The following PLEC variants were observed in gnomAD, a reference collection of about 807,000 sequenced individuals.
PLEC encodes plectin.
PLEC carries 216 observed loss-of-function variants against 392.8 expected under a neutral mutation model. That is an observed-to-expected ratio of 0.55 (90% CI 0.49 to 0.62). PLEC has a LOEUF of 0.62. Among genes scored for constraint, PLEC ranks in the 20% least tolerant of loss-of-function variants. PLEC has a pLI of 0.00. For synonymous variants in PLEC, 3,621 were observed against 2,980.6 expected (o/e 1.21, Z -7.00); for missense variants, 6,863 against 6,563.4 (o/e 1.05, Z -1.58).
Position 143,922,778 on chromosome 8 carries a change from C to T in PLEC, c.7151G>A (p.Arg2384His), listed in dbSNP as rs201594706. Residue 2384 changes from arginine to histidine, a missense_variant, in exon 31 of 32, where the codon CGC becomes CAC. Arg to His is a conservative substitution (Grantham distance 29, BLOSUM62 0). Transcript: ENST00000345136. ...CATCTCGGCCACACGCAGCTTGAGG[C>T]GCTCAGCCTCAGCGCTCATCTCCAG... ...RQLEMSAEAERLKLRVAEMSR... is the reference protein window; with the variant it reads ...RQLEMSAEAEHLKLRVAEMSR... 3.1e-5 allele frequency: 49 copies of T among 1,603,192 alleles called. No individual in the cohort carries two copies. Among genetic ancestry groups the T allele is most frequent in the Admixed American group, 1.5e-4 (9 of 59,438 alleles).
At position 143,918,588 on chromosome 8, in the gene PLEC, C is replaced by G. The variant is rs1554675719; in HGVS notation, c.11233G>C (p.Asp3745His). 2 of 1,612,424 alleles carry G rather than the reference C, an allele frequency of 1.2e-6. No individual in the cohort carries two copies. The highest frequency in any genetic ancestry group is 1.7e-6 in the Non-Finnish European group (2 of 1,179,922). The change falls in exon 32 of 32, where the codon GAT becomes CAT. Residue 3745 changes from aspartate (D) to histidine (H), a missense_variant. By Grantham distance (81) the Asp-to-His change is moderately conservative. Coordinates refer to ENST00000345136, the MANE Select transcript of PLEC (RefSeq NM_201384.3). ...ACGAGGCCCTTCCGCACAGCCTCATCCACAGTCAGCCGCTCCCCCTTCACC... is the reference window on the plus strand; with the variant it reads ...ACGAGGCCCTTCCGCACAGCCTCATGCACAGTCAGCCGCTCCCCCTTCACC... Reference protein sequence around the residue: ...DPVKGERLTVDEAVRKGLVGP... With the variant: ...DPVKGERLTVHEAVRKGLVGP...
In PLEC at chr8:143,924,050, C is replaced by A. The variant is rs367679924; in HGVS notation, c.5879G>T (p.Arg1960Leu). 4 of 1,596,312 alleles carry A rather than the reference C, an allele frequency of 2.5e-6. No individual in the cohort carries two copies. The South Asian group carries it at 4.4e-5, about 18-fold the overall frequency. Residue 1960 changes from arginine to leucine, a missense_variant, in exon 31 of 32, where the codon CGC (arginine) becomes CTC (leucine). Coordinates refer to ENST00000345136, the MANE Select transcript of PLEC (RefSeq NM_201384.3). ...RIRSNAEDTLRSKEQAELEAA... is the reference protein window; with the variant it reads ...RIRSNAEDTLLSKEQAELEAA... ...CTCCAGCTCGGCCTGCTCCTTGCTG[C>A]GCAGCGTGTCCTCCGCGTTGCTGCG...
intron 5 of PLEC, among the ~76,000 whole-genome samples, chr8:143,936,653 C>T (rs1038962742): frequency 6.6e-6 from 1 of 152,238 alleles, no homozygotes; most frequent in Admixed American, 6.5e-5. Flanking sequence ...GGACAAGCAG[C>T]GGGTGAGTCA....
chr8:143,934,562 G>GTCGGC, intron 10 of PLEC, 73 bp downstream of exon 10: 7 of 1,600,290 alleles, frequency 4.4e-6, no homozygotes, highest in Non-Finnish European at 5.1e-6. Flanking sequence ...GCAGGGCCAG[G>GTCGGC]TCGGCTCCGG....
Position 143,925,867 on chromosome 8 carries a change from C to G in PLEC, c.4062G>C (p.Gln1354His), listed in dbSNP as rs782342470. ...MEEEERLAEQ[Q>H]RAEERERLAE... ...CCAGCCGCTCGCGCTCCTCTGCCCG[C>G]TGCTGCTCAGCCAGCCTCTGTGGCC... The change falls in exon 31 of 32, where the codon CAG (glutamine) becomes CAC (histidine). Residue 1354 changes from glutamine (Q) to histidine (H), a missense_variant. Coordinates refer to ENST00000345136, the MANE Select transcript of PLEC (RefSeq NM_201384.3). 5 of 1,547,244 alleles carry G rather than the reference C, an allele frequency of 3.2e-6. No individual in the cohort carries two copies. In the East Asian group the frequency reaches 1.2e-4, roughly 37 times the overall value.
At position 143,918,819 on chromosome 8, in the gene PLEC, C is replaced by G; in HGVS notation, c.11002G>C (p.Glu3668Gln). 1 of 1,613,240 alleles carries G rather than the reference C, an allele frequency of 6.2e-7. No individual in the cohort carries two copies. Among genetic ancestry groups the G allele is most frequent in the Non-Finnish European group, 8.5e-7 (1 of 1,180,030 alleles). ...ISLETYNLLR[E>Q]GTRSLREALE... ...GCCTCACGGAGGCTCCTGGTGCCCT[C>G]CCGGAGCAGGTTGTAGGTCTCGAGA... Residue 3668 changes from glutamate (E) to glutamine (Q), a missense_variant, in exon 32 of 32, where the codon GAG (glutamate) becomes CAG (glutamine). Coordinates refer to ENST00000345136, the MANE Select transcript of PLEC (RefSeq NM_201384.3).
At chr8:143,938,286 C>G (rs782165689) in intron 2 of PLEC, 46 bp from the exon 3 acceptor site, 9 of 1,545,780 alleles carry the variant, frequency 5.8e-6, no homozygotes, top group Non-Finnish European at 7.9e-6. Flanking sequence ...CCAGAGCCAC[C>G]AATAGGCCCT....
In PLEC at chr8:143,927,878, G is replaced by A. The variant is rs782733038; in HGVS notation, c.3375C>T (p.Leu1125=). The A allele has an allele frequency of 3.5e-5, 56 of 1,590,176 alleles. 1 individual carries two copies. The Admixed American group carries it at 7.0e-4, about 20-fold the overall frequency. The part of the protein sequence containing the change: ...AQAVPATLPE[L]EATKASLKKL... ...CCTTCAGAGAGGCCTTGGTGGCCTCGAGCTCCGGGAGGGTGGCCGGCACGG... is the reference window on the plus strand; with the variant it reads ...CCTTCAGAGAGGCCTTGGTGGCCTCAAGCTCCGGGAGGGTGGCCGGCACGG... The change falls in exon 26 of 32, where the codon CTC becomes CTT. Residue 1125 remains leucine (L), a synonymous_variant. Transcript: ENST00000345136.
chr8:143,923,120 GCCT>G lies in PLEC; in HGVS notation c.6806_6808del (p.Glu2269del). On this transcript the variant is annotated inframe_deletion, in exon 31 of 32. Coordinates refer to ENST00000345136, the MANE Select transcript of PLEC (RefSeq NM_201384.3). Reference sequence around the variant, plus strand: ...CTCCGCCACCTGCTTCATCTTCTCAGCCTCCTCCTGCAGGAAGCGCTGCGTATT... The same window carrying G: ...CTCCGCCACCTGCTTCATCTTCTCAGCCTCCTGCAGGAAGCGCTGCGTATT... 1 of 1,604,700 alleles carries G rather than the reference GCCT, an allele frequency of 6.2e-7. No individual in the cohort carries two copies. Among genetic ancestry groups the G allele is most frequent in the Non-Finnish European group, 8.5e-7 (1 of 1,179,870 alleles).
chr8:143,976,638 C>G (rs1374222638), upstream of PLEC: 2 of 152,434 alleles, frequency 1.3e-5, no homozygotes, highest in Admixed American at 1.3e-4. Flanking sequence ...AGACCGCCCC[C>G]CGACCCCCAC....
chr8:143,946,427 G>T (rs782258295), intron 1 of PLEC: 1 of 1,285,098 alleles, frequency 7.8e-7, no homozygotes, highest in South Asian at 1.2e-5. Flanking sequence ...CCGAGAGCCG[G>T]CAGGGAGGAA....
intron 1 of PLEC, among the ~76,000 whole-genome samples, chr8:143,947,804 C>T (rs1181181222): frequency 6.6e-6 from 1 of 152,152 alleles, no homozygotes; most frequent in Non-Finnish European, 1.5e-5. Context: ...TATAAAAACA[C>T]ATTCCTACAG....
chr8:143,976,440 G>T (rs1475585599), upstream of PLEC, among the ~76,000 whole-genome samples: 3 of 152,056 alleles, frequency 2.0e-5, no homozygotes, highest in Admixed American at 2.0e-4. Flanking sequence ...TCCACGGGCC[G>T]CCCCGGTTGC....
chr8:143,923,085 G>A lies in PLEC; in HGVS notation c.6844C>T (p.Arg2282Trp), dbSNP rs368433409. 75 of 1,607,674 alleles carry A rather than the reference G, an allele frequency of 4.7e-5. No homozygotes were observed. The highest frequency in any genetic ancestry group is 3.3e-4 in the Middle Eastern group (2 of 6,060). The change falls in exon 31 of 32, where the codon CGG (arginine) becomes TGG (tryptophan). Residue 2282 changes from arginine (R) to tryptophan (W), a missense_variant. Transcript: ENST00000345136. ...KMKQVAEEAA[R>W]LSVAAQEAAR... ...GCCTCTTGGGCCGCCACACTCAGCC[G>A]CGCGGCCTCCTCCGCCACCTGCTTC...
rs1323135264 is a variant in PLEC, at chr8:143,916,860, T to C, written c.12961A>G (p.Ile4321Val). 6.2e-7 allele frequency: 1 copy of C among 1,612,212 alleles called. No individual in the cohort carries two copies. ...CGCTCACCGGTGCTGGGGTCGATGA[T>C]GCCCCCGGTGCAGGCCTGCGCCTCC... Reference protein sequence around the residue: ...LLEAQACTGGIIDPSTGERFP... With the variant: ...LLEAQACTGGVIDPSTGERFP... Residue 4321 changes from isoleucine to valine, a missense_variant, in exon 32 of 32, where the codon ATC becomes GTC. Coordinates refer to ENST00000345136, the MANE Select transcript of PLEC (RefSeq NM_201384.3).
rs543793295 is a variant in PLEC at position 143,926,999 on chromosome 8, C to T, written c.3923G>A (p.Gly1308Glu). Residue 1308 changes from glycine to glutamate, a missense_variant, in exon 29 of 32, where the codon GGA (glycine) becomes GAA (glutamate). Coordinates refer to ENST00000345136, the MANE Select transcript of PLEC (RefSeq NM_201384.3). ...SPAKKPKVQSGSESVIQEYVD... is the reference protein window; with the variant it reads ...SPAKKPKVQSESESVIQEYVD... ...TACCTCCTGGATGACACTCTCTGAT[C>T]CCGACTGGACCTTGGGCTTCTTGGC... 8 of 1,613,176 alleles carry T rather than the reference C, an allele frequency of 5.0e-6. No homozygotes were observed. Among genetic ancestry groups the T allele is most frequent in the Non-Finnish European group, 6.8e-6 (8 of 1,179,942 alleles).
Position 143,929,802 on chromosome 8 carries a change from G to T in PLEC, c.2767C>A (p.Arg923Ser). 6.3e-7 allele frequency: 1 copy of T among 1,599,060 alleles called. No homozygotes were observed. ...AGCTCCAGGCTGTGCAGGGCTTGGC[G>T]CTGCTCCTCTGGCTTCAGGGTGCGG... is the stretch of plus-strand genomic sequence containing the variant. Reference protein sequence around the residue: ...TFRTLKPEEQRQALHSLELHY... With the variant: ...TFRTLKPEEQSQALHSLELHY... Residue 923 changes from arginine (R) to serine (S), a missense_variant, in exon 23 of 32, where the codon CGC becomes AGC. By Grantham distance (110) the Arg-to-Ser change is moderately radical. Coordinates refer to ENST00000345136, the MANE Select transcript of PLEC (RefSeq NM_201384.3).
intron 1 of PLEC, among the ~76,000 whole-genome samples, chr8:143,966,180 AC>A: frequency 1.3e-5 from 2 of 152,070 alleles, no homozygotes; most frequent in South Asian, 4.2e-4. Context: ...CTGCTTCCTC[AC>A]GCCCCTTCCT....
At position 143,925,726 on chromosome 8, in the gene PLEC, C is replaced by A. The variant is rs1554703838; in HGVS notation, c.4203G>T (p.Val1401=). The A allele has an allele frequency of 3.1e-6, 5 of 1,595,780 alleles. No homozygotes were observed. In the East Asian group the frequency reaches 1.1e-4, roughly 36 times the overall value. The change falls in exon 31 of 32, where the codon GTG becomes GTT. Residue 1401 remains valine (V), a synonymous_variant. Coordinates refer to ENST00000345136, the MANE Select transcript of PLEC (RefSeq NM_201384.3). ...CCACCGCCGCCTCCTCCCGCCGCAC[C>A]ACCTCCTCCTGCATGCGCTGCTGCA... ...KELQQRMQEE[V]VRREEAAVDA... is the part of the protein sequence containing the mutation.
Sources: allele counts gnomAD v4.1 joint callset (sites outside exome capture counted in the v4.1 genomes callset), GRCh38; gene constraint gnomAD v4.1.1; transcripts MANE v1.5; gene names NCBI Gene and HGNC (gene_info 2026-07-23, HGNC 2026-07-21).